Variants in DAB1 observed in about 807,000 individuals in gnomAD.
DAB1 encodes the protein DAB adaptor protein 1, also known as disabled homolog 1.
DAB1 carries 15 observed loss-of-function variants against 64.6 expected under a neutral mutation model. The ratio of observed to expected loss-of-function variants is 0.23; its 90% CI spans 0.16 to 0.36. DAB1 has a LOEUF of 0.36. Among genes scored for constraint, DAB1 ranks in the 10% least tolerant of loss-of-function variants. The pLI is 1.00. For missense variants in DAB1, 596 were observed against 706.7 expected (o/e 0.84, Z 1.78); for synonymous variants, 235 against 251.9 (o/e 0.93, Z 0.64).
At chr1:57,175,128 T>C (rs1037093563) in intron 2 of DAB1, among the ~76,000 whole-genome samples, 5 of 152,120 alleles carry the variant, frequency 3.3e-5, no homozygotes, top group African/African-American at 1.2e-4. Context: ...AAAGAATATA[T>C]GTTTTATGCT....
chr1:57,548,618 G>A (rs1017503689), intron 7 of DAB1, among the ~76,000 whole-genome samples: 3 of 152,192 alleles, frequency 2.0e-5, no homozygotes, highest in African/African-American at 7.2e-5. Context: ...GGACTTAACA[G>A]TATTTTCTCC....
At chr1:57,035,833 C>CTT (rs35389635) in intron 9 of DAB1, among the ~76,000 whole-genome samples, 890 of 61,926 alleles carry the variant, frequency 0.014, 247 homozygotes, top group African/African-American at 0.019. Flanking sequence ...CGCACATGCA[C>CTT]TTTTTTTTTT....
At chr1:57,918,695 G>A (rs942425692) in intron 5 of DAB1, among the ~76,000 whole-genome samples, 3 of 152,134 alleles carry the variant, frequency 2.0e-5, no homozygotes, top group Non-Finnish European at 2.9e-5. Flanking sequence ...ATGGTGGCGG[G>A]CACCTGTAGT....
chr1:57,306,912 C>T (rs1674229532), intron 1 of DAB1: 2 of 152,152 alleles, frequency 1.3e-5, no homozygotes, highest in African/African-American at 2.4e-5. Context: ...TCATCATTAA[C>T]TCCTTTTGCC....
intron 2 of DAB1, among the ~76,000 whole-genome samples, chr1:57,283,528 G>C (rs999851475): frequency 1.2e-4 from 18 of 152,130 alleles, no homozygotes; most frequent in Non-Finnish European, 1.5e-5. Flanking sequence ...AATCCTCACT[G>C]CAACACTCTA....
At chr1:58,044,663 A>T (rs1647200613) in intron 5 of DAB1, among the ~76,000 whole-genome samples, 1 of 152,172 alleles carries the variant, frequency 6.6e-6, no homozygotes, top group Non-Finnish European at 1.5e-5. Context: ...AAAGGTTGTC[A>T]GAGAGACCAG....
intron 2 of DAB1, among the ~76,000 whole-genome samples, chr1:57,166,144 A>T (rs140001234): frequency 6.6e-5 from 10 of 152,354 alleles, no homozygotes; most frequent in African/African-American, 2.4e-4. Flanking sequence ...TGTTTATGCC[A>T]TCAATAGCCC....
rs936634262 is a variant in DAB1, at chr1:57,211,361, G to A, written c.68-65932C>T. Among the ~76,000 whole-genome samples, 15 of 152,144 alleles carry A rather than the reference G, an allele frequency of 9.9e-5. No homozygotes were observed. In the East Asian group the frequency reaches 2.5e-3, roughly 25 times the overall value. ...GGCCATGGTGTTAAAAGTGATACAAGTAGAGTGCTTGTATCACTTTTGTAA... is the reference window on the plus strand; with the variant it reads ...GGCCATGGTGTTAAAAGTGATACAAATAGAGTGCTTGTATCACTTTTGTAA... On this transcript the variant is annotated intron_variant, in intron 2 of 14. Transcript: ENST00000371236.
chr1:58,196,700 C>T (rs1047334606), intron 4 of DAB1, among the ~76,000 whole-genome samples: 1 of 152,060 alleles, frequency 6.6e-6, no homozygotes, highest in African/African-American at 2.4e-5. Flanking sequence ...GAGGAGAGAG[C>T]CCAGGGAAAA....
intron 4 of DAB1, among the ~76,000 whole-genome samples, chr1:57,078,149 A>G (rs1652161275): frequency 6.6e-6 from 1 of 152,162 alleles, no homozygotes. Context: ...GCAACCCATC[A>G]TCAAACACTC....
At chr1:58,096,812 T>C (rs1432204814) in intron 5 of DAB1, among the ~76,000 whole-genome samples, 1 of 152,246 alleles carries the variant, frequency 6.6e-6, no homozygotes, top group Non-Finnish European at 1.5e-5. Context: ...GATGCTGGAT[T>C]CACATGTGTT....
intron 5 of DAB1, among the ~76,000 whole-genome samples, chr1:57,904,636 A>G (rs1041616241): frequency 6.6e-6 from 1 of 152,216 alleles, no homozygotes; most frequent in African/African-American, 2.4e-5. Flanking sequence ...AGACCTAAAA[A>G]ATAGGAAGAA....
chr1:57,695,758 G>A (rs1322140852), intron 6 of DAB1, among the ~76,000 whole-genome samples: 1 of 152,106 alleles, frequency 6.6e-6, no homozygotes, highest in African/African-American at 2.4e-5. Context: ...AAATTAGTCA[G>A]GTGTGATGGC....
chr1:57,128,888 A>G (rs569338146), intron 4 of DAB1, among the ~76,000 whole-genome samples: 6 of 152,274 alleles, frequency 3.9e-5, no homozygotes, highest in African/African-American at 1.4e-4. Flanking sequence ...ACCGCCTGGA[A>G]CTGGAAAGAA....
chr1:57,551,962 C>G (rs148016835), intron 7 of DAB1, among the ~76,000 whole-genome samples: 22 of 152,288 alleles, frequency 1.4e-4, no homozygotes, highest in Non-Finnish European at 2.4e-4. Context: ...AAAATGCATT[C>G]ACACTTTCAA....
intron 2 of DAB1, among the ~76,000 whole-genome samples, chr1:57,209,964 T>G (rs114640236): frequency 0.012 from 1,775 of 152,328 alleles, 35 homozygotes; most frequent in African/African-American, 0.041. Flanking sequence ...AGACCTAAAT[T>G]GAAATCTCAT....
intron 6 of DAB1, among the ~76,000 whole-genome samples, chr1:57,730,128 G>C (rs183932109): frequency 6.6e-6 from 1 of 152,200 alleles, no homozygotes; most frequent in Non-Finnish European, 1.5e-5. Flanking sequence ...CACCTACTGG[G>C]TGTAAGTCAG....
At chr1:57,016,847 T>C (rs143283180) in intron 11 of DAB1, among the ~76,000 whole-genome samples, 220 of 152,256 alleles carry the variant, frequency 1.4e-3, no homozygotes, top group African/African-American at 5.1e-3. Context: ...CGTACACTAG[T>C]AGGTGTTTTA....
chr1:57,737,095 C>G lies in DAB1; in HGVS notation n.552-87430G>C, dbSNP rs148167683. Among the ~76,000 whole-genome samples, 3 of 152,308 alleles carry G rather than the reference C, an allele frequency of 2.0e-5. No homozygotes were observed. The East Asian group carries it at 5.8e-4, about 29-fold the overall frequency. On this transcript the variant is annotated intron_variant and non_coding_transcript_variant, in intron 6 of 20. Coordinates refer to the DAB1 transcript ENST00000485760. ...GTAGCTACCGGAGAGGGCTTCTCAACAGGAGCTGTGGCTTCCGGTGGAGGC... is the reference window on the plus strand; with the variant it reads ...GTAGCTACCGGAGAGGGCTTCTCAAGAGGAGCTGTGGCTTCCGGTGGAGGC...
Sources: gnomAD v4.1 joint callset for allele counts (sites outside exome capture counted in the v4.1 genomes callset) on GRCh38, gnomAD v4.1.1 for gene constraint, MANE v1.5 for transcripts, NCBI Gene and HGNC (gene_info 2026-07-23, HGNC 2026-07-21) for gene names.